The following SMG1 variants were observed in gnomAD, a reference collection of about 807,000 sequenced individuals.
The protein encoded by SMG1 is SMG1 nonsense mediated mRNA decay associated PI3K related kinase.
Under a neutral mutation model 419.9 loss-of-function variants are expected in SMG1, and 22 were observed. The observed-to-expected ratio is 0.05, with a 90% CI of 0.04 to 0.07. The LOEUF is 0.07. Ranked by LOEUF, SMG1 falls within the 10% of genes least tolerant of loss-of-function variation. The probability of loss-of-function intolerance (pLI) is 1.00; values close to 1 mark genes in which losing one functional copy is unlikely to be tolerated. For synonymous variants in SMG1, 1,538 were observed against 1,553.5 expected (o/e 0.99, Z 0.23); for missense variants, 3,185 against 4,342.0 (o/e 0.73, Z 7.49).
rs370762647 is a variant in SMG1 at position 18,859,633 on chromosome 16, T to C, written c.3876A>G (p.Gln1292=). 24 of 1,613,134 alleles carry C rather than the reference T, an allele frequency of 1.5e-5. No individual in the cohort carries two copies. The highest frequency in any genetic ancestry group is 1.6e-4 in the Middle Eastern group (1 of 6,078). ...CCAAACAAACAGAACTTCTTAACAA[T>C]TGAACTTCAATGGATTTCTGAAGTT... The part of the protein sequence containing the change: ...PRELQKSIEV[Q]LLRSSVCLAT... Residue 1292 remains glutamine (Q), a synonymous_variant, in exon 27 of 63, where the codon CAA becomes CAG. Transcript: ENST00000446231.
chr16:18,876,748 AG>A (rs1416005426), intron 12 of SMG1, among the ~76,000 whole-genome samples: 1 of 151,998 alleles, frequency 6.6e-6, no homozygotes, highest in African/African-American at 2.4e-5. Flanking sequence ...CTACCAGGAA[AG>A]TCTGTGGTGG....
chr16:18,863,821 G>T lies in SMG1; in HGVS notation c.3524C>A (p.Pro1175Gln), dbSNP rs373020840. ...GESRKTVLSK[P>Q]TDSSPEVINY... Reference sequence around the variant, plus strand: ...TATAACCTCAGGGGAAGAGTCAGTCGGTTTGGACAGCACAGTTTTTCTGGA... The same window carrying T: ...TATAACCTCAGGGGAAGAGTCAGTCTGTTTGGACAGCACAGTTTTTCTGGA... Residue 1175 changes from proline to glutamine, a missense_variant, in exon 25 of 63, where the codon CCG (proline) becomes CAG (glutamine). By Grantham distance (76) the Pro-to-Gln change is moderately conservative. Around this residue, in one of 27 missense-constraint regions of SMG1, gnomAD observed 121 missense variants for 125.4 expected, o/e 0.96. Coordinates refer to ENST00000446231, the MANE Select transcript of SMG1 (RefSeq NM_015092.5). 76 of 1,577,472 alleles carry T rather than the reference G, an allele frequency of 4.8e-5. No individual in the cohort carries two copies. Among genetic ancestry groups the T allele is most frequent in the Non-Finnish European group, 6.3e-5 (72 of 1,151,800 alleles).
intron 1 of SMG1, among the ~76,000 whole-genome samples, chr16:18,922,540 G>A (rs1311157606): frequency 6.6e-6 from 1 of 152,126 alleles, no homozygotes; most frequent in Non-Finnish European, 1.5e-5. Flanking sequence ...ATGTCGCTCA[G>A]GACAACCTCC....
At chr16:18,913,155 C>A (rs1470363065) in intron 1 of SMG1, among the ~76,000 whole-genome samples, 1 of 152,016 alleles carries the variant, frequency 6.6e-6, no homozygotes, top group Non-Finnish European at 1.5e-5. Context: ...CTGAAGAAGT[C>A]AACGTAGAAT....
At chr16:18,833,764 T>A (rs549221608) in intron 50 of SMG1, among the ~76,000 whole-genome samples, 119 of 152,304 alleles carry the variant, frequency 7.8e-4, no homozygotes, top group Non-Finnish European at 1.4e-3. Flanking sequence ...TACCACCTCC[T>A]CCATCTCCAA....
intron 28 of SMG1, 85 bp downstream of exon 28, chr16:18,858,937 T>G: frequency 1.1e-6 from 1 of 914,290 alleles, no homozygotes; most frequent in Non-Finnish European, 1.6e-6. Flanking sequence ...CAAATCCTAT[T>G]TCAAAAAACT....
At chr16:18,903,593 G>C (rs1596634132) in intron 1 of SMG1, among the ~76,000 whole-genome samples, 1 of 152,130 alleles carries the variant, frequency 6.6e-6, no homozygotes, top group South Asian at 2.1e-4. Flanking sequence ...AGAGCTAGTG[G>C]GCAACTGATC....
At chr16:18,908,783 G>C (rs1203568373) in intron 1 of SMG1, among the ~76,000 whole-genome samples, 1 of 151,984 alleles carries the variant, frequency 6.6e-6, no homozygotes, top group Admixed American at 6.6e-5. Flanking sequence ...GGGAGGCTGA[G>C]GTAGGAGAAT....
intron 39 of SMG1, among the ~76,000 whole-genome samples, chr16:18,844,877 A>G (rs1214341658): frequency 6.6e-6 from 1 of 152,194 alleles, no homozygotes; most frequent in East Asian, 1.9e-4. Flanking sequence ...TAGAAAAGAT[A>G]AAGACCTAAG....
At chr16:18,850,667 T>C (rs1355512466) in intron 33 of SMG1, among the ~76,000 whole-genome samples, 200 bp from the exon 34 acceptor site, 1 of 152,226 alleles carries the variant, frequency 6.6e-6, no homozygotes, top group Non-Finnish European at 1.5e-5. Context: ...TGAAGAAGAA[T>C]ATAAGCATTT....
intron 60 of SMG1, among the ~76,000 whole-genome samples, chr16:18,814,125 T>A: frequency 6.7e-6 from 1 of 148,546 alleles, no homozygotes; most frequent in Non-Finnish European, 1.5e-5. Flanking sequence ...GGCCATTAAG[T>A]CATTTTTAAA....
chr16:18,874,179 C>T (rs1308037148), intron 13 of SMG1, among the ~76,000 whole-genome samples: 2 of 152,068 alleles, frequency 1.3e-5, no homozygotes, highest in Non-Finnish European at 2.9e-5. Context: ...GGTTCTGTCG[C>T]CCAGACTGGA....
chr16:18,848,090 C>G, intron 36 of SMG1, 57 bp from the exon 37 acceptor site: 1 of 1,434,406 alleles, frequency 7.0e-7, no homozygotes, highest in Non-Finnish European at 9.7e-7. Flanking sequence ...TGTGCATATG[C>G]TAGGTTAGGG....
rs201648060 is a variant in SMG1, at chr16:18,852,048, A to G, written c.5052+19T>C. ...GATTTGGAGTAGCAATCTTGCCCCA[A>G]GCACCATGTTTTCCTTGCCTGAATC... On this transcript the variant is annotated intron_variant, in intron 33 of 62. Coordinates refer to ENST00000446231, the MANE Select transcript of SMG1 (RefSeq NM_015092.5). 2 of 1,593,386 alleles carry G rather than the reference A, an allele frequency of 1.3e-6. No homozygotes were observed. Among genetic ancestry groups the G allele is most frequent in the East Asian group, 2.2e-5 (1 of 44,656 alleles).
intron 3 of SMG1, among the ~76,000 whole-genome samples, chr16:18,894,011 T>C (rs4567693): frequency 0.49 from 74,508 of 150,840 alleles, 18,726 homozygotes; most frequent in Middle Eastern, 0.59. Flanking sequence ...GAGCTGAGAT[T>C]GCGCCACTGC....
intron 60 of SMG1, among the ~76,000 whole-genome samples, chr16:18,812,575 CACACATATATATACATATATAT>C (rs201270039): frequency 1.8e-4 from 27 of 150,610 alleles, no homozygotes; most frequent in Middle Eastern, 3.5e-3. Flanking sequence ...TATATATACA[CACACATATATATACATATATAT>C]ACACATATAT....
At chr16:18,866,817 A>C in intron 22 of SMG1, 42 bp from the exon 23 acceptor site, 5 of 1,553,214 alleles carry the variant, frequency 3.2e-6, no homozygotes, top group Non-Finnish European at 4.4e-6. Flanking sequence ...AATACCATTA[A>C]AACATAAATC....
chr16:18,916,513 C>CAAAAAAA (rs59985733), intron 1 of SMG1, among the ~76,000 whole-genome samples: 111 of 68,780 alleles, frequency 1.6e-3, no homozygotes, highest in Admixed American at 3.0e-3. Flanking sequence ...GACTCCATCT[C>CAAAAAAA]AAAAAAAAAA....
chr16:18,917,051 G>C (rs868734472), intron 1 of SMG1, among the ~76,000 whole-genome samples: 1 of 152,080 alleles, frequency 6.6e-6, no homozygotes, highest in African/African-American at 2.4e-5. Flanking sequence ...TATCACTTTA[G>C]TAATCATCCT....
Sources: allele counts gnomAD v4.1 joint callset (sites outside exome capture counted in the v4.1 genomes callset), GRCh38; gene constraint gnomAD v4.1.1; regional missense constraint gnomAD v4.1.1; transcripts MANE v1.5; gene names NCBI Gene and HGNC (gene_info 2026-07-23, HGNC 2026-07-21).